EVC: variants seen among roughly 807,000 people sequenced by gnomAD.
The protein encoded by EVC is EvC ciliary complex subunit 1, also known as evC complex member EVC.
A neutral mutation model predicts 118.9 loss-of-function variants in EVC; 116 were observed. The ratio of observed to expected loss-of-function variants is 0.98; its 90% CI spans 0.84 to 1.14. EVC has a LOEUF of 1.14. Among genes scored for constraint, EVC ranks in the 50% most tolerant of loss-of-function variants. The pLI, the probability that EVC is intolerant of heterozygous loss-of-function variation, is 0.00. For missense variants in EVC, 1,401 were observed against 1,246.4 expected, an observed-to-expected ratio of 1.12 and a Z score of -1.87; for synonymous variants, 619 against 534.7, an observed-to-expected ratio of 1.16 and a Z score of -2.18.
chr4:5,711,321 C>T lies in EVC; in HGVS notation c.-60C>T, dbSNP rs1722966829. 4.0e-6 allele frequency: 4 copies of T among 996,826 alleles called. No individual in the cohort carries two copies. The highest frequency in any genetic ancestry group is 4.8e-6 in the Non-Finnish European group (4 of 835,576). The allele number at this position is 996,826 out of a possible 1,614,324, so 61.7% of individuals were successfully genotyped here. ...GGGCTCCAAGTCCCGCGTCGCCGCC[C>T]TGGCGGGGACGGTGCAGCAGGCGGC... On this transcript the variant is annotated 5_prime_UTR_variant, in exon 1 of 21. Transcript: ENST00000264956.
chr4:5,775,234 A>G (rs1184731132), intron 11 of EVC, among the ~76,000 whole-genome samples: 2 of 151,768 alleles, frequency 1.3e-5, no homozygotes, highest in Non-Finnish European at 2.9e-5. Context: ...ACTCATTGAA[A>G]GTGTTTTTAC....
In EVC at chr4:5,802,087, C is replaced by A; in HGVS notation, c.2442C>A (p.Thr814=). 1 of 1,606,702 alleles carries A rather than the reference C, an allele frequency of 6.2e-7. No individual in the cohort carries two copies. The highest frequency in any genetic ancestry group is 8.5e-7 in the Non-Finnish European group (1 of 1,176,932). The change falls in exon 16 of 21, where the codon ACC becomes ACA. Residue 814 remains threonine (T), a synonymous_variant. Transcript: ENST00000264956. ...HEERKLQHLK[T]LQGERMENYK... ...AGAGAAAACTGCAGCACCTGAAGACCCTGCAGGGTACGGGACCCCCCCTCA... is the reference window on the plus strand; with the variant it reads ...AGAGAAAACTGCAGCACCTGAAGACACTGCAGGGTACGGGACCCCCCCTCA...
chr4:5,760,841 C>T (rs758494951), intron 11 of EVC, among the ~76,000 whole-genome samples: 11 of 152,164 alleles, frequency 7.2e-5, no homozygotes, highest in Non-Finnish European at 1.6e-4. Flanking sequence ...CGTGAGCCAC[C>T]GCTCCCGGCC....
chr4:5,756,497 G>A lies in EVC; in HGVS notation c.1563+135G>A. On this transcript the variant is annotated intron_variant, in intron 11 of 20. Transcript: ENST00000264956. This position sits in a 1 kb window ranked among gnomAD's most constrained non-coding sequence, Gnocchi z 4.2. ...CACTCATTGGCCGGTGATCCACGCA[G>A]GCTGTGTCCCCTCCATGCGATCCTC... The A allele has an allele frequency of 1.3e-6, 1 of 744,870 alleles. No individual in the cohort carries two copies. The highest frequency in any genetic ancestry group is 2.3e-6 in the Non-Finnish European group (1 of 427,096). The allele number at this position is 744,870 out of a possible 1,614,324, so 46.1% of individuals were successfully genotyped here.
chr4:5,748,039 G>A, intron 7 of EVC, 109 bp from the exon 8 acceptor site: 1 of 1,219,696 alleles, frequency 8.2e-7, no homozygotes, highest in Non-Finnish European at 1.2e-6. Flanking sequence ...GAATTGTTTA[G>A]AATCTTTGTT....
chr4:5,820,075 T>TTCCA, the EVC span, among the ~76,000 whole-genome samples: 1,419 of 152,234 alleles, frequency 9.3e-3, 13 homozygotes, highest in Non-Finnish European at 0.014. Flanking sequence ...CAAATCCTGG[T>TTCCA]TCCATCACTT....
chr4:5,806,869 T>C (rs1046738384), intron 17 of EVC, among the ~76,000 whole-genome samples: 6 of 152,240 alleles, frequency 3.9e-5, no homozygotes, highest in Non-Finnish European at 7.3e-5. Context: ...TTTTTAGTGA[T>C]AGCCATTCTA....
At chr4:5,747,602 A>G (rs1396192260) in intron 7 of EVC, among the ~76,000 whole-genome samples, 2 of 152,204 alleles carry the variant, frequency 1.3e-5, no homozygotes, top group African/African-American at 2.4e-5. Flanking sequence ...AACCTCCTGC[A>G]TTCTAAGCCA....
chr4:5,816,679 C>G (rs973620988), downstream of EVC, among the ~76,000 whole-genome samples: 2 of 145,786 alleles, frequency 1.4e-5, no homozygotes, highest in East Asian at 4.2e-4. Flanking sequence ...TCTCCCTTCC[C>G]TCCCTCCCTT....
In EVC at chr4:5,810,435, C is replaced by G. The variant is rs780548102; in HGVS notation, c.2879C>G (p.Thr960Ser). 1 of 1,611,942 alleles carries G rather than the reference C, an allele frequency of 6.2e-7. No individual in the cohort carries two copies. Among genetic ancestry groups the G allele is most frequent in the African/African-American group, 1.3e-5 (1 of 75,010 alleles). Residue 960 changes from threonine to serine, a missense_variant, in exon 20 of 21, where the codon ACC becomes AGC. Physicochemically the swap from Thr to Ser is moderately conservative, Grantham distance 58 (BLOSUM62 1). Coordinates refer to ENST00000264956, the MANE Select transcript of EVC (RefSeq NM_153717.3). ...GAGGACCTTGCCTCCGGGGACCAGA[C>G]CTCAGGCTCACTCAGGTATGACTGG... ...NNEDLASGDQ[T>S]SGSLSSKRLS...
Position 5,762,147 on chromosome 4 carries a change from C to A in EVC, c.1563+5785C>A, listed in dbSNP as rs186666927. Among the ~76,000 whole-genome samples, 44 of 128,280 alleles carry A rather than the reference C, an allele frequency of 3.4e-4. 1 individual carries two copies. Among genetic ancestry groups the A allele is most frequent in the Admixed American group, 6.8e-4 (9 of 13,146 alleles). 84.2% of individuals were successfully genotyped at this position (128,280 alleles called of 152,430 possible). ...ATTCCCACCTATGAGTGAGAATATGCGGTGTTTGGTTTTTTGTTCTTGGGA... is the reference window on the plus strand; with the variant it reads ...ATTCCCACCTATGAGTGAGAATATGAGGTGTTTGGTTTTTTGTTCTTGGGA... On this transcript the variant is annotated intron_variant, in intron 11 of 20. Coordinates refer to ENST00000264956, the MANE Select transcript of EVC (RefSeq NM_153717.3).
the EVC span, chr4:5,827,901 G>GTT: frequency 2.3e-6 from 1 of 441,034 alleles, no homozygotes. Context: ...TTGCTCTAAA[G>GTT]TTAGGAATAG....
intron 11 of EVC, among the ~76,000 whole-genome samples, chr4:5,772,787 T>C (rs1006689412): frequency 2.6e-5 from 4 of 152,128 alleles, no homozygotes; most frequent in Admixed American, 6.5e-5. Flanking sequence ...TGACCTCAGA[T>C]GTCTCTCAGT....
In EVC at chr4:5,813,837, CTGT is replaced by C. The variant is rs1717275472; in HGVS notation, c.*2804_*2806del. 6.6e-6 allele frequency: 1 copy of C among 152,244 alleles called. No homozygotes were observed. The highest frequency in any genetic ancestry group is 2.1e-4 in the South Asian group (1 of 4,832). The allele number at this position is 152,244 out of a possible 1,614,324, so 9.4% of individuals were successfully genotyped here. On this transcript the variant is annotated 3_prime_UTR_variant, in exon 21 of 21. Coordinates refer to ENST00000264956, the MANE Select transcript of EVC (RefSeq NM_153717.3). Reference sequence around the variant, plus strand: ...ACCCTGGCCCACCCTTGCCGCCCAGCTGTTGTGCTGGGCACAGTCTGGGGCACA... The same window carrying C: ...ACCCTGGCCCACCCTTGCCGCCCAGCTGTGCTGGGCACAGTCTGGGGCACA...
intron 5 of EVC, among the ~76,000 whole-genome samples, chr4:5,733,677 T>C (rs191945285): frequency 6.6e-6 from 1 of 152,152 alleles, no homozygotes; most frequent in Non-Finnish European, 1.5e-5. Flanking sequence ...AGCAGAAAGA[T>C]GAGTGCCTCC....
chr4:5,739,344 C>T (rs1365416824), intron 5 of EVC, among the ~76,000 whole-genome samples: 1 of 152,098 alleles, frequency 6.6e-6, no homozygotes, highest in African/African-American at 2.4e-5. Context: ...TTGTCATTGG[C>T]AAATATAATG....
At chr4:5,744,668 G>C (rs530844000) in intron 6 of EVC, among the ~76,000 whole-genome samples, 2 of 152,232 alleles carry the variant, frequency 1.3e-5, no homozygotes, top group African/African-American at 2.4e-5. Flanking sequence ...GCCACCTCAG[G>C]CTTCCCCACA....
At chr4:5,825,194 A>T in the EVC span, 7 of 985,236 alleles carry the variant, frequency 7.1e-6, no homozygotes, top group African/African-American at 1.7e-5. The surrounding 1 kb of genome is among the most constrained non-coding windows in gnomAD (Gnocchi z 4.4). Context: ...CATGAGGAAG[A>T]GTGTGAAAGT....
In EVC at chr4:5,745,305, G is replaced by C; in HGVS notation, c.903G>C (p.Lys301Asn). Residue 301 changes from lysine (K) to asparagine (N), a missense_variant, in exon 7 of 21, where the codon AAG (lysine) becomes AAC (asparagine). Physicochemically the swap from Lys to Asn is moderately conservative, Grantham distance 94 (BLOSUM62 0). Transcript: ENST00000264956. The stretch of plus-strand genomic sequence containing the variant: ...ACATCACCCTGGCTGATGTGGAAAA[G>C]AAGGAGAGAGAATACTCTGAACAGC... ...SEYITLADVE[K>N]KEREYSEQLI... 1 of 1,614,008 alleles carries C rather than the reference G, an allele frequency of 6.2e-7. No individual in the cohort carries two copies. The highest frequency in any genetic ancestry group is 8.5e-7 in the Non-Finnish European group (1 of 1,179,888).
Sources: gnomAD v4.1 joint callset for allele counts (sites outside exome capture counted in the v4.1 genomes callset) on GRCh38, gnomAD v4.1.1 for gene constraint, Gnocchi (gnomAD v3.1) non-coding constraint, MANE v1.5 for transcripts, NCBI Gene and HGNC (gene_info 2026-07-23, HGNC 2026-07-21) for gene names.